The following ABLIM3 variants were observed in gnomAD, a reference collection of about 807,000 sequenced individuals.
ABLIM3 encodes the protein actin-binding LIM protein 3.
Under a neutral mutation model 109.5 loss-of-function variants are expected in ABLIM3, and 61 were observed. That is an observed-to-expected ratio of 0.56 (90% CI 0.45 to 0.69). The LOEUF (loss-of-function observed/expected upper bound fraction) is 0.69. Among genes scored for constraint, ABLIM3 ranks in the 30% least tolerant of loss-of-function variants. ABLIM3 has a pLI of 0.00. For missense variants in ABLIM3, 796 were observed against 889.5 expected, an observed-to-expected ratio of 0.89 and a Z score of 1.34; for synonymous variants, 300 against 324.8, an observed-to-expected ratio of 0.92 and a Z score of 0.82.
chr5:149,187,205 A>G (rs377417147), intron 3 of ABLIM3, among the ~76,000 whole-genome samples: 7 of 152,350 alleles, frequency 4.6e-5, no homozygotes, highest in African/African-American at 1.7e-4. Context: ...AATTATCTAG[A>G]GCTGTTGAAA....
intron 3 of ABLIM3, among the ~76,000 whole-genome samples, chr5:149,197,117 A>T (rs1290052705): frequency 6.6e-6 from 1 of 152,146 alleles, no homozygotes; most frequent in Non-Finnish European, 1.5e-5. Flanking sequence ...AAATTTTTCT[A>T]AACTAGGGAA....
At chr5:149,188,948 C>T (rs1757229144) in intron 3 of ABLIM3, among the ~76,000 whole-genome samples, 1 of 152,208 alleles carries the variant, frequency 6.6e-6, no homozygotes, top group Non-Finnish European at 1.5e-5. Flanking sequence ...AGAACTCACA[C>T]TTCCCACTTT....
chr5:149,216,698 G>C lies in ABLIM3; in HGVS notation c.670-261G>C, dbSNP rs765621756. The C allele has an allele frequency of 6.8e-6, 3 of 438,070 alleles. No individual in the cohort carries two copies. The East Asian group carries it at 1.1e-4, about 16-fold the overall frequency. The allele number at this position is 438,070 out of a possible 1,614,324, so 27.1% of individuals were successfully genotyped here. A position where few individuals can be genotyped will look rare whatever the true frequency, so the allele number is the denominator to read the frequency against. ...GGAAGTTGGACCAGTGGCCTCTCAA[G>C]TGTCCTTCCCAGTGTCAGAATAGAA... is the stretch of plus-strand genomic sequence containing the variant. On this transcript the variant is annotated intron_variant, in intron 7 of 23. Transcript: ENST00000309868.
At chr5:149,168,060 C>T (rs140809049) in intron 2 of ABLIM3, among the ~76,000 whole-genome samples, 103 of 152,328 alleles carry the variant, frequency 6.8e-4, no homozygotes, top group Admixed American at 1.0e-3. Context: ...CACACGCACA[C>T]ATACACACAC....
intron 10 of ABLIM3, among the ~76,000 whole-genome samples, chr5:149,237,246 T>C (rs1163963941): frequency 2.0e-5 from 3 of 152,236 alleles, no homozygotes; most frequent in Admixed American, 6.5e-5. Context: ...ATGTGCTCAA[T>C]AAATGTTAGC....
chr5:149,237,065 G>A (rs1328099477), intron 10 of ABLIM3, among the ~76,000 whole-genome samples: 1 of 152,188 alleles, frequency 6.6e-6, no homozygotes, highest in Non-Finnish European at 1.5e-5. Context: ...TACCCAGGCT[G>A]TGTAGTTCAG....
intron 5 of ABLIM3, among the ~76,000 whole-genome samples, chr5:149,201,207 G>T (rs1490649528): frequency 6.6e-6 from 1 of 152,122 alleles, no homozygotes; most frequent in Non-Finnish European, 1.5e-5. Context: ...ACTGTTCCCA[G>T]ATGCAGTTGG....
intron 2 of ABLIM3, among the ~76,000 whole-genome samples, chr5:149,159,808 A>G (rs1267951390): frequency 6.6e-6 from 1 of 152,184 alleles, no homozygotes; most frequent in Non-Finnish European, 1.5e-5. Context: ...TTGTGCAAGC[A>G]TCTCCCTGGC....
chr5:149,244,900 C>T lies in ABLIM3; in HGVS notation c.1371C>T (p.Thr457=). Residue 457 remains threonine (T), a synonymous_variant, in exon 16 of 24, where the codon ACC becomes ACT. Coordinates refer to ENST00000309868, the MANE Select transcript of ABLIM3 (RefSeq NM_014945.5). ...CTGCAGGTGATTTGTCTACAGCAAC[C>T]AAGAGCAAAACAAGTGAAGACATCA... ...YKRHGDLSTA[T]KSKTSEDISQ... 6.2e-7 allele frequency: 1 copy of T among 1,614,142 alleles called. No individual in the cohort carries two copies. Among genetic ancestry groups the T allele is most frequent in the Non-Finnish European group, 8.5e-7 (1 of 1,180,018 alleles).
At chr5:149,218,051 G>C (rs1382475406) in intron 8 of ABLIM3, 1 of 152,298 alleles carries the variant, frequency 6.6e-6, no homozygotes, top group Admixed American at 6.5e-5. Context: ...CCCCAGGAGG[G>C]CTCCCTGACG....
rs532655912 is a variant in ABLIM3, at chr5:149,211,922, G to A, written c.669+1103G>A. Reference sequence around the variant, plus strand: ...ATTTTTCTCAACACAAGCACTCATGGTAACCACAACCAAGTGGCCAGATTT... The same window carrying A: ...ATTTTTCTCAACACAAGCACTCATGATAACCACAACCAAGTGGCCAGATTT... On this transcript the variant is annotated intron_variant, in intron 7 of 23. Coordinates refer to ENST00000309868, the MANE Select transcript of ABLIM3 (RefSeq NM_014945.5). 6.0e-5 allele frequency among the ~76,000 whole-genome samples: 9 copies of A among 150,642 alleles called. No individual in the cohort carries two copies. The South Asian group carries it at 2.0e-3, about 33-fold the overall frequency.
chr5:149,232,054 C>T (rs1761917155), intron 9 of ABLIM3, among the ~76,000 whole-genome samples: 1 of 152,064 alleles, frequency 6.6e-6, no homozygotes, highest in African/African-American at 2.4e-5. Flanking sequence ...GTCTGTAATC[C>T]CAACACTTTG....
rs1760163739 is a variant in ABLIM3, at chr5:149,217,014, T to G, written c.725T>G (p.Met242Arg). 1 of 1,614,034 alleles carries G rather than the reference T, an allele frequency of 6.2e-7. No individual in the cohort carries two copies. The highest frequency in any genetic ancestry group is 1.7e-5 in the Admixed American group (1 of 60,004). Reference protein sequence around the residue: ...TCARCVRCHQMFTEGEEMYLT... With the variant: ...TCARCVRCHQRFTEGEEMYLT... Reference sequence around the variant, plus strand: ...GCCAGGTGTGTACGCTGCCACCAGATGTTCACCGAAGGAGAGGAAATGTAC... The same window carrying G: ...GCCAGGTGTGTACGCTGCCACCAGAGGTTCACCGAAGGAGAGGAAATGTAC... Residue 242 changes from methionine (M) to arginine (R), a missense_variant, in exon 8 of 24, where the codon ATG becomes AGG. Coordinates refer to ENST00000309868, the MANE Select transcript of ABLIM3 (RefSeq NM_014945.5).
chr5:149,181,702 C>T (rs1756467963), intron 2 of ABLIM3, among the ~76,000 whole-genome samples: 1 of 152,118 alleles, frequency 6.6e-6, no homozygotes, highest in South Asian at 2.1e-4. Flanking sequence ...CAGATGAGAT[C>T]AGTTTTGGAG....
intron 2 of ABLIM3, among the ~76,000 whole-genome samples, chr5:149,176,623 G>A (rs1337770399): frequency 6.6e-6 from 1 of 152,104 alleles, no homozygotes; most frequent in African/African-American, 2.4e-5. Context: ...ATCCCCTCTT[G>A]AGTTACGAGG....
At chr5:149,205,818 G>A (rs1758911265) in intron 5 of ABLIM3, among the ~76,000 whole-genome samples, 1 of 152,146 alleles carries the variant, frequency 6.6e-6, no homozygotes, top group Non-Finnish European at 1.5e-5. Context: ...GGAGTACTGT[G>A]GGAACTGACT....
At chr5:149,204,431 C>A (rs34461175) in intron 5 of ABLIM3, among the ~76,000 whole-genome samples, 61,481 of 151,768 alleles carry the variant, frequency 0.41, 12,839 homozygotes, top group East Asian at 0.64. Flanking sequence ...AAGAAGAGGG[C>A]GAAAAGGTCC....
chr5:149,219,041 G>A (rs1361224156), intron 8 of ABLIM3: 1 of 152,324 alleles, frequency 6.6e-6, no homozygotes, highest in Admixed American at 6.5e-5. Context: ...GAGTGTGTCA[G>A]TATCAGCTTG....
chr5:149,204,811 A>G (rs575526419), intron 5 of ABLIM3, among the ~76,000 whole-genome samples: 35 of 152,274 alleles, frequency 2.3e-4, no homozygotes, highest in African/African-American at 7.2e-4. Flanking sequence ...TCCTGGGCCA[A>G]TTTCCCACTG....
Sources: allele counts gnomAD v4.1 joint callset (sites outside exome capture counted in the v4.1 genomes callset), GRCh38; gene constraint gnomAD v4.1.1; transcripts MANE v1.5; gene names NCBI Gene and HGNC (gene_info 2026-07-23, HGNC 2026-07-21).